Variants in SLC5A4 observed in about 807,000 individuals in gnomAD.
SLC5A4 encodes solute carrier family 5 member 4.
In SLC5A4, 55 loss-of-function variants were observed where a neutral mutation model predicts 70.3. That is an observed-to-expected ratio of 0.78 (90% confidence interval 0.63 to 0.98). SLC5A4 has a LOEUF of 0.98. SLC5A4 is among the 50% of genes least tolerant of loss of function. The probability of loss-of-function intolerance (pLI) is 0.00; values close to 1 mark genes in which losing one functional copy is unlikely to be tolerated. For synonymous variants in SLC5A4, 268 were observed against 305.7 expected (o/e 0.88, Z 1.29); for missense variants, 735 against 839.2 (o/e 0.88, Z 1.53).
the SLC5A4 span, among the ~76,000 whole-genome samples, chr22:32,261,269 C>G: frequency 5.4e-4 from 82 of 152,322 alleles, no homozygotes; most frequent in African/African-American, 1.9e-3. Flanking sequence ...TGGGTCAGAG[C>G]TCCCTCTGCC....
the SLC5A4 span, among the ~76,000 whole-genome samples, chr22:32,291,357 A>G: frequency 2.0e-5 from 3 of 151,538 alleles, no homozygotes; most frequent in Non-Finnish European, 4.4e-5. Context: ...TTGTATTTTT[A>G]TAGTAGAGAC....
chr22:32,303,497 G>A, the SLC5A4 span, among the ~76,000 whole-genome samples: 1 of 152,238 alleles, frequency 6.6e-6, no homozygotes, highest in South Asian at 2.1e-4. Flanking sequence ...TTTGTCTCAT[G>A]TGAGCAGAAG....
At chr22:32,299,002 T>C in the SLC5A4 span, among the ~76,000 whole-genome samples, 1 of 138,036 alleles carries the variant, frequency 7.2e-6, no homozygotes, top group Non-Finnish European at 1.6e-5. Flanking sequence ...TTCTGGCTTG[T>C]AGGGTTTCTG....
chr22:32,305,059 A>C, the SLC5A4 span, among the ~76,000 whole-genome samples: 6 of 152,070 alleles, frequency 3.9e-5, no homozygotes, highest in African/African-American at 1.4e-4. Flanking sequence ...TTTCTGGGCT[A>C]TATATTCTGT....
chr22:32,304,840 G>T, the SLC5A4 span, among the ~76,000 whole-genome samples: 1 of 137,350 alleles, frequency 7.3e-6, no homozygotes, highest in South Asian at 2.4e-4. Flanking sequence ...TATGTTCTAG[G>T]AGTTCTACAG....
At chr22:32,251,303 G>A (rs982540431) in intron 3 of SLC5A4, among the ~76,000 whole-genome samples, 3 of 151,936 alleles carry the variant, frequency 2.0e-5, no homozygotes, top group Non-Finnish European at 4.4e-5. Flanking sequence ...AATCCCCAAT[G>A]CAACAGTATT....
chr22:32,268,935 C>T, the SLC5A4 span, among the ~76,000 whole-genome samples: 3 of 152,200 alleles, frequency 2.0e-5, no homozygotes, highest in Admixed American at 6.5e-5. Context: ...TTCGCTCTTT[C>T]GCCCAGGCTG....
chr22:32,312,316 A>G, the SLC5A4 span, among the ~76,000 whole-genome samples: 1 of 151,702 alleles, frequency 6.6e-6, no homozygotes, highest in Non-Finnish European at 1.5e-5. Flanking sequence ...GGAAGCCCCA[A>G]TAAAAACCAA....
the SLC5A4 span, among the ~76,000 whole-genome samples, chr22:32,316,934 C>CTGTGTGTGTGTGTGTG: frequency 0.023 from 3,454 of 148,674 alleles, 32 homozygotes; most frequent in Admixed American, 0.032. Context: ...ATTAACAACT[C>CTGTGTGTGTGTGTGTG]TGTGTGTGTG....
the SLC5A4 span, among the ~76,000 whole-genome samples, chr22:32,316,934 C>CTGTGTGTGTGTG: frequency 0.021 from 3,153 of 148,672 alleles, 57 homozygotes; most frequent in East Asian, 0.039. Context: ...ATTAACAACT[C>CTGTGTGTGTGTG]TGTGTGTGTG....
At chr22:32,312,571 C>CCA in the SLC5A4 span, among the ~76,000 whole-genome samples, 1 of 152,050 alleles carries the variant, frequency 6.6e-6, no homozygotes, top group African/African-American at 2.4e-5. Context: ...TCAGAAGCCA[C>CCA]CAGCCCAAAA....
At chr22:32,271,952 C>T in the SLC5A4 span, 16 of 585,344 alleles carry the variant, frequency 2.7e-5, no homozygotes, top group African/African-American at 5.5e-5. Flanking sequence ...ACATGACTGG[C>T]GAGGAGAAGG....
chr22:32,329,632 A>G, the SLC5A4 span, among the ~76,000 whole-genome samples: 44 of 16,240 alleles, frequency 2.7e-3, no homozygotes, highest in Admixed American at 3.4e-3. Context: ...TGTGTGTTGG[A>G]GGGCTCTGGG....
chr22:32,334,851 G>A, the SLC5A4 span, among the ~76,000 whole-genome samples: 3 of 152,212 alleles, frequency 2.0e-5, no homozygotes, highest in Non-Finnish European at 2.9e-5. Flanking sequence ...CAACAGTATT[G>A]GTCAGAGTCC....
the SLC5A4 span, among the ~76,000 whole-genome samples, chr22:32,329,601 G>C: frequency 7.7e-6 from 1 of 129,926 alleles, no homozygotes; most frequent in Non-Finnish European, 1.7e-5. Context: ...GGGGGCTCTG[G>C]TGTGTGTGTT....
At chr22:32,317,145 C>T in the SLC5A4 span, among the ~76,000 whole-genome samples, 1 of 151,746 alleles carries the variant, frequency 6.6e-6, no homozygotes, top group Non-Finnish European at 1.5e-5. Context: ...ACTTTGCCAC[C>T]AAGAAGTCTA....
intron 6 of SLC5A4, among the ~76,000 whole-genome samples, chr22:32,238,167 A>T (rs1265922476): frequency 6.6e-6 from 1 of 152,032 alleles, no homozygotes; most frequent in South Asian, 2.1e-4. Context: ...AAGCAGGTGA[A>T]GCAATCATCT....
upstream of SLC5A4, among the ~76,000 whole-genome samples, chr22:32,256,859 A>G (rs545904484): frequency 6.6e-5 from 10 of 152,344 alleles, no homozygotes; most frequent in East Asian, 1.9e-3. Context: ...GGCTATTATA[A>G]ATAATGCTGC....
chr22:32,285,971 C>T, the SLC5A4 span, among the ~76,000 whole-genome samples: 1 of 152,112 alleles, frequency 6.6e-6, no homozygotes. Flanking sequence ...ATCCTGACCT[C>T]ATGATCTGCC....
Sources: gnomAD v4.1 joint callset for allele counts (sites outside exome capture counted in the v4.1 genomes callset) on GRCh38, gnomAD v4.1.1 for gene constraint, MANE v1.5 for transcripts, NCBI Gene and HGNC (gene_info 2026-07-23, HGNC 2026-07-21) for gene names.